The following MLPH variants were observed in gnomAD, a reference collection of about 807,000 sequenced individuals.
MLPH encodes melanophilin.
MLPH carries 51 observed loss-of-function variants against 72.1 expected under a neutral mutation model. The observed-to-expected ratio is 0.71, with a 90% confidence interval of 0.56 to 0.89. The LOEUF is 0.89. Ranked by LOEUF, MLPH falls within the 40% of genes least tolerant of loss-of-function variation. The pLI is 0.00. For missense variants in MLPH, 743 were observed against 759.9 expected, an observed-to-expected ratio of 0.98 and a Z score of 0.26; for synonymous variants, 301 against 310.1, an observed-to-expected ratio of 0.97 and a Z score of 0.31.
At chr2:237,534,120 T>G (rs1267881363) in intron 8 of MLPH, among the ~76,000 whole-genome samples, 2 of 152,228 alleles carry the variant, frequency 1.3e-5, no homozygotes, top group Non-Finnish European at 2.9e-5. Flanking sequence ...GGTTGTCACC[T>G]GAAGTGCCTT....
Position 237,527,435 on chromosome 2 carries a change from C to T in MLPH, c.939C>T (p.Thr313=), listed in dbSNP as rs1416086752. The T allele has an allele frequency of 6.2e-7, 1 of 1,614,200 alleles. No homozygotes were observed. Among genetic ancestry groups the T allele is most frequent in the Admixed American group, 1.7e-5 (1 of 60,030 alleles). The change falls in exon 8 of 16, where the codon ACC becomes ACT. Residue 313 remains threonine, a synonymous_variant. Transcript: ENST00000264605. ...LPLQYLADVD[T]SDEESIRAHV... is the part of the protein sequence containing the mutation. Reference sequence around the variant, plus strand: ...TGCAGTACTTGGCCGATGTGGACACCTCTGATGAGGAAAGCATCCGGGCTC... The same window carrying T: ...TGCAGTACTTGGCCGATGTGGACACTTCTGATGAGGAAAGCATCCGGGCTC...
chr2:237,525,729 C>T lies in MLPH; in HGVS notation c.804C>T (p.Ser268=), dbSNP rs2106339545. The part of the protein sequence containing the change: ...PEEQPTSISP[S]RHGALAELCP... The stretch of plus-strand genomic sequence containing the variant: ...AGCAGCCGACCAGCATCTCACCTTC[C>T]AGACACGGCGCCCTGGCTGAGCTCT... The change falls in exon 7 of 16, where the codon TCC becomes TCT. Residue 268 remains serine, a synonymous_variant. Transcript: ENST00000264605. 6.2e-7 allele frequency: 1 copy of T among 1,614,136 alleles called. No individual in the cohort carries two copies. The highest frequency in any genetic ancestry group is 8.5e-7 in the Non-Finnish European group (1 of 1,180,046).
At chr2:237,500,374 G>A (rs1193627367) in intron 2 of MLPH, among the ~76,000 whole-genome samples, 1 of 152,210 alleles carries the variant, frequency 6.6e-6, no homozygotes, top group African/African-American at 2.4e-5. Flanking sequence ...GACCCATGTG[G>A]CAGCCACTAG....
intron 14 of MLPH, 81 bp from the exon 15 acceptor site, chr2:237,552,256 A>G: frequency 8.6e-7 from 1 of 1,159,230 alleles, no homozygotes. Context: ...TACCTTTTAA[A>G]TTTCTGAGGA....
chr2:237,519,965 C>T lies in MLPH; in HGVS notation c.611C>T (p.Ser204Phe). 1 of 1,614,070 alleles carries T rather than the reference C, an allele frequency of 6.2e-7. No homozygotes were observed. Among genetic ancestry groups the T allele is most frequent in the Non-Finnish European group, 8.5e-7 (1 of 1,180,010 alleles). The change falls in exon 6 of 16, where the codon TCC becomes TTC. Residue 204 changes from serine (S) to phenylalanine (F), a missense_variant. Physicochemically the swap from Ser to Phe is radical, Grantham distance 155. Transcript: ENST00000264605. ...GACTTCGAGGGAGACTCAGATGACT[C>T]CACTCAGCCTCAAGGTCACTCCCTG... ...DFDFEGDSDD[S>F]TQPQGHSLHL...
At chr2:237,524,165 C>T (rs565073032) in intron 6 of MLPH, among the ~76,000 whole-genome samples, 2 of 151,554 alleles carry the variant, frequency 1.3e-5, no homozygotes, top group South Asian at 4.2e-4. Context: ...TTGCGGGAGC[C>T]GAAATGCGAT....
At chr2:237,497,836 G>A (rs1235903618) in intron 2 of MLPH, among the ~76,000 whole-genome samples, 9 of 152,130 alleles carry the variant, frequency 5.9e-5, no homozygotes, top group Admixed American at 3.3e-4. Context: ...TGACATCCTC[G>A]GGGTCCTCAT....
chr2:237,548,069 G>A (rs868184156), intron 13 of MLPH, among the ~76,000 whole-genome samples: 4 of 152,234 alleles, frequency 2.6e-5, no homozygotes, highest in South Asian at 2.1e-4. Flanking sequence ...AGCACCCAGC[G>A]GGTAGGCAGT....
At chr2:237,507,112 G>A (rs1450356374) in intron 2 of MLPH, 3 of 130,322 alleles carry the variant, frequency 2.3e-5, no homozygotes, top group East Asian at 2.3e-4. Flanking sequence ...GCCACCCTTG[G>A]ATGGAGTGCA....
At chr2:237,518,482 A>G (rs1195068893) in intron 4 of MLPH, 57 bp from the exon 5 acceptor site, 1 of 1,437,166 alleles carries the variant, frequency 7.0e-7, no homozygotes, top group Non-Finnish European at 9.7e-7. Flanking sequence ...GGGCTGACAA[A>G]TGGCTTGTTC....
At chr2:237,496,686 C>T (rs540608553) in intron 2 of MLPH, among the ~76,000 whole-genome samples, 1 of 151,998 alleles carries the variant, frequency 6.6e-6, no homozygotes, top group East Asian at 1.9e-4. Flanking sequence ...GTGGCTGGGG[C>T]GTTAATTGGC....
chr2:237,522,559 G>A (rs1440063272), intron 6 of MLPH, among the ~76,000 whole-genome samples: 1 of 141,720 alleles, frequency 7.1e-6, no homozygotes, highest in Non-Finnish European at 1.6e-5. Flanking sequence ...CTGAGACTGG[G>A]CTTGGACCTT....
rs1574831682 is a variant in MLPH at position 237,495,477 on chromosome 2, A to G, written c.110+1941A>G. Among the ~76,000 whole-genome samples, 4 of 152,316 alleles carry G rather than the reference A, an allele frequency of 2.6e-5. No individual in the cohort carries two copies. In the South Asian group the frequency reaches 8.3e-4, roughly 32 times the overall value. ...GGACCAGCCCCGGGGACGTGAGCTC[A>G]AGCATGTTGAGGAGACAAAGCACCA... On this transcript the variant is annotated intron_variant, in intron 2 of 15. Transcript: ENST00000264605.
rs560380080 is a variant in MLPH at position 237,534,260 on chromosome 2, T to C, written c.1021-304T>C. ...CAGTGACAGTGGCTGTCCACAGTAA[T>C]GACACCATCACAACCTTCCAGATTC... On this transcript the variant is annotated intron_variant, in intron 8 of 15. Transcript: ENST00000264605. Among the ~76,000 whole-genome samples, 33 of 152,336 alleles carry C rather than the reference T, an allele frequency of 2.2e-4. 1 individual carries two copies. The South Asian group carries it at 6.6e-3, about 31-fold the overall frequency.
chr2:237,530,645 C>T (rs987662706), intron 8 of MLPH, among the ~76,000 whole-genome samples: 5 of 152,244 alleles, frequency 3.3e-5, no homozygotes, highest in Non-Finnish European at 7.3e-5. Flanking sequence ...TGCCCCTGAG[C>T]ATAGCCGGGC....
At chr2:237,494,431 C>T (rs1194969536) in intron 2 of MLPH, among the ~76,000 whole-genome samples, 2 of 152,044 alleles carry the variant, frequency 1.3e-5, no homozygotes, top group East Asian at 3.9e-4. Context: ...GTGCCAGTCA[C>T]GGGGGTCCTG....
chr2:237,545,591 A>G, intron 12 of MLPH: 1 of 1,287,620 alleles, frequency 7.8e-7, no homozygotes, highest in Non-Finnish European at 1.0e-6. Context: ...CCACGTGAAG[A>G]TGGATGTGAC....
At chr2:237,534,017 T>A (rs967616886) in intron 8 of MLPH, among the ~76,000 whole-genome samples, 1 of 152,188 alleles carries the variant, frequency 6.6e-6, no homozygotes, top group Non-Finnish European at 1.5e-5. Context: ...GAAAATTGAT[T>A]TATCATGTCT....
intron 5 of MLPH, among the ~76,000 whole-genome samples, chr2:237,519,200 A>C (rs1394252042): frequency 2.6e-5 from 4 of 152,132 alleles, no homozygotes; most frequent in Non-Finnish European, 5.9e-5. Flanking sequence ...GGAAGCAAGA[A>C]GGGGAAGCAG....
Sources: gnomAD v4.1 joint callset for allele counts (sites outside exome capture counted in the v4.1 genomes callset) on GRCh38, gnomAD v4.1.1 for gene constraint, MANE v1.5 for transcripts, NCBI Gene and HGNC (gene_info 2026-07-23, HGNC 2026-07-21) for gene names.